The following PLXDC2 variants were observed in gnomAD, a reference collection of about 807,000 sequenced individuals.
The protein encoded by PLXDC2 is plexin domain containing 2, also known as plexin domain-containing protein 2.
PLXDC2 carries 40 observed loss-of-function variants against 68.9 expected under a neutral mutation model. The ratio of observed to expected loss-of-function variants is 0.58; its 90% CI spans 0.45 to 0.76. The LOEUF is 0.76. Ranked by LOEUF, PLXDC2 falls within the 30% of genes least tolerant of loss-of-function variation. The probability of loss-of-function intolerance (pLI) is 0.00; values close to 1 mark genes in which losing one functional copy is unlikely to be tolerated. For synonymous variants in PLXDC2, 243 were observed against 234.2 expected (o/e 1.04, Z -0.34); for missense variants, 644 against 661.9 (o/e 0.97, Z 0.30).
chr10:20,031,723 G>A (rs145191664), intron 2 of PLXDC2, among the ~76,000 whole-genome samples: 24 of 152,098 alleles, frequency 1.6e-4, no homozygotes, highest in Non-Finnish European at 2.9e-4. Flanking sequence ...ATCAACAACC[G>A]TGTGTGGAAT....
intron 1 of PLXDC2, among the ~76,000 whole-genome samples, chr10:19,902,011 C>G (rs1400457603): frequency 6.6e-6 from 1 of 152,134 alleles, no homozygotes; most frequent in Non-Finnish European, 1.5e-5. Flanking sequence ...TCTGAGTTCT[C>G]TATTCTGTTC....
chr10:20,207,897 T>G (rs1835014470), intron 9 of PLXDC2, among the ~76,000 whole-genome samples: 1 of 152,124 alleles, frequency 6.6e-6, no homozygotes, highest in Admixed American at 6.6e-5. Flanking sequence ...ACAGGAGGGT[T>G]GTTTTCACAT....
At chr10:19,998,081 C>T (rs934227261) in intron 1 of PLXDC2, among the ~76,000 whole-genome samples, 6 of 152,162 alleles carry the variant, frequency 3.9e-5, no homozygotes, top group African/African-American at 1.2e-4. Flanking sequence ...ATACAGTAGA[C>T]CGAAAGCAAA....
intron 9 of PLXDC2, among the ~76,000 whole-genome samples, chr10:20,183,138 G>T (rs1834630740): frequency 6.6e-6 from 1 of 151,932 alleles, no homozygotes; most frequent in African/African-American, 2.4e-5. Context: ...TTTGGGACAA[G>T]ATAAGTCTGA....
Position 20,203,491 on chromosome 10 carries a change from T to C in PLXDC2, c.1062-8178T>C, listed in dbSNP as rs372451674. Among the ~76,000 whole-genome samples, 16 of 151,882 alleles carry C rather than the reference T, an allele frequency of 1.1e-4. No individual in the cohort carries two copies. In the East Asian group the frequency reaches 1.8e-3, roughly 17 times the overall value. ...GGCTAATTTTTCTTTTTCTTTTTTT[T>C]GTAGAGACAGGATTTTGCCAGGCTA... On this transcript the variant is annotated intron_variant, in intron 9 of 13. Transcript: ENST00000377252.
chr10:20,020,178 ATT>A (rs71388889), intron 2 of PLXDC2, among the ~76,000 whole-genome samples: 100 of 107,318 alleles, frequency 9.3e-4, no homozygotes, highest in South Asian at 1.5e-3. Flanking sequence ...CACCCAGCAA[ATT>A]TTTTTTTTTT....
chr10:19,985,462 G>A (rs1028267625), intron 1 of PLXDC2, among the ~76,000 whole-genome samples: 15 of 152,106 alleles, frequency 9.9e-5, no homozygotes, highest in Non-Finnish European at 2.2e-4. Context: ...TTTCCACTTA[G>A]AGAAGTTGCT....
At chr10:20,269,846 C>T (rs375358649) in intron 13 of PLXDC2, among the ~76,000 whole-genome samples, 2 of 151,800 alleles carry the variant, frequency 1.3e-5, no homozygotes, top group Non-Finnish European at 1.5e-5. Context: ...GGTGAAATCC[C>T]GTTTCTATTA....
intron 1 of PLXDC2, among the ~76,000 whole-genome samples, chr10:19,868,026 T>C (rs1431230114): frequency 2.0e-5 from 3 of 152,196 alleles, no homozygotes; most frequent in African/African-American, 4.8e-5. Flanking sequence ...AAAACTGTTA[T>C]CTGGGGGCTG....
rs554103517 is a variant in PLXDC2 at position 19,911,071 on chromosome 10, A to G, written c.113-90704A>G. 9.8e-4 allele frequency among the ~76,000 whole-genome samples: 149 copies of G among 151,962 alleles called. No homozygotes were observed. The Middle Eastern group carries it at 0.017, about 17-fold the overall frequency. ...TTAGTTTATGCCTCATCTCGTTCTCAAAAGTTTGGACCTTCTCGGGGGTGT... is the reference window on the plus strand; with the variant it reads ...TTAGTTTATGCCTCATCTCGTTCTCGAAAGTTTGGACCTTCTCGGGGGTGT... On this transcript the variant is annotated intron_variant, in intron 1 of 13. Coordinates refer to ENST00000377252, the MANE Select transcript of PLXDC2 (RefSeq NM_032812.9).
At chr10:20,203,869 G>A (rs1834954914) in intron 9 of PLXDC2, among the ~76,000 whole-genome samples, 1 of 152,120 alleles carries the variant, frequency 6.6e-6, no homozygotes, top group Non-Finnish European at 1.5e-5. Flanking sequence ...CTTGTATTCT[G>A]CAGATAACTA....
chr10:20,123,753 A>C (rs1833731936), intron 4 of PLXDC2, among the ~76,000 whole-genome samples: 1 of 151,742 alleles, frequency 6.6e-6, no homozygotes, highest in Non-Finnish European at 1.5e-5. Flanking sequence ...CAGAGATACG[A>C]GGTCAGGGCA....
chr10:20,009,634 G>A (rs1416354593), intron 2 of PLXDC2, among the ~76,000 whole-genome samples: 1 of 151,274 alleles, frequency 6.6e-6, no homozygotes, highest in Non-Finnish European at 1.5e-5. Context: ...TAGGCAGAAG[G>A]AGACCTTTGT....
chr10:20,148,464 T>G (rs991547547), intron 6 of PLXDC2, among the ~76,000 whole-genome samples: 1 of 152,264 alleles, frequency 6.6e-6, no homozygotes, highest in Admixed American at 6.5e-5. Context: ...ACAAGGAAAT[T>G]TAAACTTAGG....
intron 7 of PLXDC2, among the ~76,000 whole-genome samples, chr10:20,172,052 T>C (rs1834454120): frequency 6.6e-6 from 1 of 152,008 alleles, no homozygotes; most frequent in African/African-American, 2.4e-5. Flanking sequence ...TACTACACAA[T>C]ATATCCATGT....
intron 10 of PLXDC2, among the ~76,000 whole-genome samples, chr10:20,211,995 A>C (rs1835076084): frequency 6.6e-6 from 1 of 151,972 alleles, no homozygotes; most frequent in Admixed American, 6.6e-5. Flanking sequence ...TATATGTATT[A>C]TCTCATTTCA....
At chr10:20,105,326 CA>C (rs1199060971) in intron 4 of PLXDC2, among the ~76,000 whole-genome samples, 7 of 152,176 alleles carry the variant, frequency 4.6e-5, no homozygotes, top group African/African-American at 1.4e-4. Context: ...GATATAACCA[CA>C]ATGTACAATG....
chr10:20,103,764 C>A (rs1833454023), intron 4 of PLXDC2, among the ~76,000 whole-genome samples: 1 of 151,498 alleles, frequency 6.6e-6, no homozygotes, highest in Non-Finnish European at 1.5e-5. Context: ...GCCTCAGCTT[C>A]CTGAGTAGCT....
chr10:19,961,921 G>C (rs1396485628), intron 1 of PLXDC2, among the ~76,000 whole-genome samples: 1 of 152,156 alleles, frequency 6.6e-6, no homozygotes, highest in Non-Finnish European at 1.5e-5. Flanking sequence ...ATTTTCTGTT[G>C]TGGCAATTGG....
Sources: gnomAD v4.1 joint callset for allele counts (sites outside exome capture counted in the v4.1 genomes callset) on GRCh38, gnomAD v4.1.1 for gene constraint, MANE v1.5 for transcripts, NCBI Gene and HGNC (gene_info 2026-07-23, HGNC 2026-07-21) for gene names.